Variants in TAFA5 observed in about 807,000 individuals in gnomAD.
TAFA5 encodes the protein chemokine-like protein TAFA-5.
In TAFA5, 6 loss-of-function variants were observed where a neutral mutation model predicts 15.3. The observed-to-expected ratio is 0.39, with a 90% CI of 0.21 to 0.77. TAFA5 has a LOEUF of 0.77. TAFA5 is among the 30% of genes least tolerant of loss of function. The pLI is 0.41. For missense variants in TAFA5, 161 were observed against 193.1 expected, an observed-to-expected ratio of 0.83 and a Z score of 0.98; for synonymous variants, 103 against 80.7, an observed-to-expected ratio of 1.28 and a Z score of -1.48.
intron 1 of TAFA5, among the ~76,000 whole-genome samples, chr22:48,497,426 C>G (rs1215536243): frequency 2.0e-5 from 3 of 152,008 alleles, no homozygotes; most frequent in Non-Finnish European, 4.4e-5. Flanking sequence ...CTCAGCGCAG[C>G]CAAGAAGCTT....
chr22:48,740,529 C>G (rs752645253), intron 3 of TAFA5, among the ~76,000 whole-genome samples: 1 of 152,210 alleles, frequency 6.6e-6, no homozygotes, highest in East Asian at 1.9e-4. Flanking sequence ...CCTCAGTTGG[C>G]GGATCTGCCT....
chr22:48,524,577 G>A (rs1052513028), intron 1 of TAFA5, among the ~76,000 whole-genome samples: 1 of 152,234 alleles, frequency 6.6e-6, no homozygotes, highest in Non-Finnish European at 1.5e-5. Context: ...CGGGATGGCT[G>A]GAAGCTGGAG....
At chr22:48,747,522 A>AGGT (rs1930361784) in intron 3 of TAFA5, among the ~76,000 whole-genome samples, 1 of 152,132 alleles carries the variant, frequency 6.6e-6, no homozygotes, top group African/African-American at 2.4e-5. Flanking sequence ...GGGTCCGTGG[A>AGGT]GGTGGCACCA....
chr22:48,641,187 C>G (rs1343884746), intron 1 of TAFA5, among the ~76,000 whole-genome samples: 1 of 151,916 alleles, frequency 6.6e-6, no homozygotes. Flanking sequence ...GCAGTGGGAA[C>G]AGTGGTCCGT....
chr22:48,582,981 CACCACACACAAAATAA>C (rs1378443221), intron 1 of TAFA5, among the ~76,000 whole-genome samples: 21 of 147,646 alleles, frequency 1.4e-4, no homozygotes, highest in South Asian at 4.4e-4. Context: ...ACACAAAATA[CACCACACACAAAATAA>C]ACCACACACA....
Position 48,742,859 on chromosome 22 carries a change from G to A in TAFA5, c.391-6980G>A, listed in dbSNP as rs1930221287. 6.6e-6 allele frequency among the ~76,000 whole-genome samples: 1 copy of A among 152,198 alleles called. No individual in the cohort carries two copies. Among genetic ancestry groups the A allele is most frequent in the Non-Finnish European group, 1.5e-5 (1 of 68,022 alleles). ...CAGGTGCGATGAAGCCCAAGGGACT[G>A]ACGGTGTGAGGAGGGCCCTCTGCTG... On this transcript the variant is annotated intron_variant, in intron 3 of 3. Transcript: ENST00000402357. The surrounding 1 kb of genome is among the most constrained non-coding windows in gnomAD (Gnocchi z 6.2).
intron 1 of TAFA5, among the ~76,000 whole-genome samples, chr22:48,518,734 G>A (rs542903771): frequency 2.6e-5 from 4 of 152,264 alleles, no homozygotes; most frequent in East Asian, 3.9e-4. Flanking sequence ...CTAAGGTCAC[G>A]GTCACGCCCA....
At chr22:48,732,050 G>C (rs11912631) in intron 3 of TAFA5, among the ~76,000 whole-genome samples, 10,192 of 152,168 alleles carry the variant, frequency 0.067, 934 homozygotes, top group African/African-American at 0.21. Flanking sequence ...TTTGGAATAA[G>C]TTGAATCCAA....
chr22:48,725,996 A>G (rs930015415), intron 3 of TAFA5, among the ~76,000 whole-genome samples: 2 of 152,224 alleles, frequency 1.3e-5, no homozygotes, highest in African/African-American at 4.8e-5. Flanking sequence ...TTTCAAGAAC[A>G]AAGGAAACCC....
At chr22:48,614,764 G>A (rs1925535156) in intron 1 of TAFA5, among the ~76,000 whole-genome samples, 1 of 152,216 alleles carries the variant, frequency 6.6e-6, no homozygotes, top group Admixed American at 6.5e-5. Flanking sequence ...TTGACCGAGA[G>A]CTTCGTTCAC....
At chr22:48,614,726 A>G (rs1435347997) in intron 1 of TAFA5, among the ~76,000 whole-genome samples, 1 of 152,222 alleles carries the variant, frequency 6.6e-6, no homozygotes, top group African/African-American at 2.4e-5. Flanking sequence ...TGTCGCAAGC[A>G]AGTACTGCCA....
intron 2 of TAFA5, among the ~76,000 whole-genome samples, chr22:48,663,725 C>T (rs1267327250): frequency 6.6e-6 from 1 of 152,186 alleles, no homozygotes; most frequent in African/African-American, 2.4e-5. Context: ...CCATCCGGTC[C>T]ATGAACCCTC....
chr22:48,662,366 C>T (rs972501961), intron 2 of TAFA5, among the ~76,000 whole-genome samples: 1 of 152,146 alleles, frequency 6.6e-6, no homozygotes, highest in Non-Finnish European at 1.5e-5. Context: ...TGATGGCCTT[C>T]TACAAAAATC....
At chr22:48,495,921 C>T (rs1928308947) in intron 1 of TAFA5, among the ~76,000 whole-genome samples, 1 of 152,256 alleles carries the variant, frequency 6.6e-6, no homozygotes, top group Admixed American at 6.5e-5. Context: ...CTGAGAGCAG[C>T]CTCCTGCCTA....
At chr22:48,512,649 G>A (rs1405164197) in intron 1 of TAFA5, among the ~76,000 whole-genome samples, 2 of 150,754 alleles carry the variant, frequency 1.3e-5, no homozygotes, top group African/African-American at 2.4e-5. Flanking sequence ...GGCCGGGCGC[G>A]GTGGCTCATG....
intron 3 of TAFA5, among the ~76,000 whole-genome samples, chr22:48,747,659 G>A (rs938663207): frequency 6.6e-6 from 1 of 152,150 alleles, no homozygotes; most frequent in African/African-American, 2.4e-5. Flanking sequence ...CACTTTGAGA[G>A]GCCAAGGTGA....
chr22:48,510,617 G>C (rs571132464), intron 1 of TAFA5, among the ~76,000 whole-genome samples: 1 of 152,236 alleles, frequency 6.6e-6, no homozygotes, highest in African/African-American at 2.4e-5. Context: ...ATTCTGGGGT[G>C]GGGGAACCTG....
chr22:48,676,839 G>T (rs935919752), intron 2 of TAFA5, among the ~76,000 whole-genome samples: 2 of 152,214 alleles, frequency 1.3e-5, no homozygotes, highest in African/African-American at 4.8e-5. Context: ...GTTTCTTCCT[G>T]GAAGTGGGAT....
chr22:48,683,048 C>G (rs1928244271), intron 2 of TAFA5, among the ~76,000 whole-genome samples: 1 of 152,086 alleles, frequency 6.6e-6, no homozygotes, highest in Non-Finnish European at 1.5e-5. Context: ...GGAAACAGCT[C>G]CTTGCTTGCT....
Sources: allele counts gnomAD v4.1 joint callset (sites outside exome capture counted in the v4.1 genomes callset), GRCh38; gene constraint gnomAD v4.1.1; non-coding constraint Gnocchi (gnomAD v3.1); transcripts MANE v1.5; gene names NCBI Gene and HGNC (gene_info 2026-07-23, HGNC 2026-07-21).